ROBO1: variants seen among roughly 807,000 people sequenced by gnomAD.
ROBO1 encodes the protein roundabout homolog 1.
Under a neutral mutation model 195.9 loss-of-function variants are expected in ROBO1, and 149 were observed. The ratio of observed to expected loss-of-function variants is 0.76; its 90% CI spans 0.67 to 0.87. The LOEUF (loss-of-function observed/expected upper bound fraction) is 0.87, where lower values mean the gene tolerates loss of function less well. Ranked by LOEUF, ROBO1 falls within the 40% of genes least tolerant of loss-of-function variation. The pLI is 0.00. For missense variants in ROBO1, 1,933 were observed against 2,068.3 expected (o/e 0.93, Z 1.27); for synonymous variants, 816 against 733.2 (o/e 1.11, Z -1.82).
chr3:79,250,126 G>T (rs2082693529), intron 2 of ROBO1, among the ~76,000 whole-genome samples: 1 of 152,118 alleles, frequency 6.6e-6, no homozygotes. Context: ...CTGAATTACA[G>T]AATATTAGAA....
chr3:79,329,761 T>C (rs1403381241), intron 2 of ROBO1, among the ~76,000 whole-genome samples: 1 of 152,232 alleles, frequency 6.6e-6, no homozygotes, highest in Non-Finnish European at 1.5e-5. Flanking sequence ...ATACAAATTC[T>C]TTATTGTCTA....
chr3:78,608,401 C>T lies in ROBO1; in HGVS notation c.4436-1360G>A, dbSNP rs143023889. 9.2e-3 allele frequency among the ~76,000 whole-genome samples: 1,397 copies of T among 152,236 alleles called. 20 individuals carry two copies. The highest frequency in any genetic ancestry group is 0.049 in the South Asian group (235 of 4,832). Reference sequence around the variant, plus strand: ...GATTATAGCTATGAGCCACCACACCCAGCCTATAATTCAATTTTGTATATC... The same window carrying T: ...GATTATAGCTATGAGCCACCACACCTAGCCTATAATTCAATTTTGTATATC... On this transcript the variant is annotated intron_variant, in intron 28 of 30. Transcript: ENST00000464233.
intron 8 of ROBO1, among the ~76,000 whole-genome samples, chr3:78,697,039 CACACAG>C (rs1355891164): frequency 5.0e-5 from 6 of 120,878 alleles, no homozygotes; most frequent in African/African-American, 1.9e-4. Context: ...CTCTCTGTCA[CACACAG>C]ACACACACAC....
chr3:79,413,569 G>A (rs993780860), intron 2 of ROBO1, among the ~76,000 whole-genome samples: 3 of 152,074 alleles, frequency 2.0e-5, no homozygotes, highest in Admixed American at 6.6e-5. Flanking sequence ...TAGATGTTTC[G>A]ATTTCAAGGA....
At chr3:78,834,428 GTAAA>G (rs2032515440) in intron 4 of ROBO1, among the ~76,000 whole-genome samples, 1 of 149,406 alleles carries the variant, frequency 6.7e-6, no homozygotes, top group Admixed American at 6.8e-5. Context: ...GTCAGAGGAA[GTAAA>G]TACAAATATT....
At chr3:79,284,065 G>T (rs944194525) in intron 2 of ROBO1, among the ~76,000 whole-genome samples, 12 of 151,800 alleles carry the variant, frequency 7.9e-5, no homozygotes, top group African/African-American at 2.9e-4. Flanking sequence ...TTTCTCATCT[G>T]ATAGGCCTAT....
At chr3:79,099,369 A>G (rs2079632318) in intron 3 of ROBO1, among the ~76,000 whole-genome samples, 2 of 151,776 alleles carry the variant, frequency 1.3e-5, no homozygotes, top group African/African-American at 2.4e-5. Flanking sequence ...TAAATTAACA[A>G]TTACTTGATG....
At chr3:79,639,038 A>G (rs1359351482) in intron 1 of ROBO1, among the ~76,000 whole-genome samples, 8 of 152,210 alleles carry the variant, frequency 5.3e-5, no homozygotes, top group African/African-American at 1.9e-4. Flanking sequence ...AAAGAATATA[A>G]ATAATGTTCA....
intron 2 of ROBO1, among the ~76,000 whole-genome samples, chr3:79,238,452 C>T (rs577849263): frequency 6.6e-5 from 10 of 152,268 alleles, no homozygotes; most frequent in Admixed American, 3.9e-4. Context: ...AGCCTGGCTT[C>T]CTAATCTTTT....
chr3:79,458,900 T>A (rs1440046176), intron 2 of ROBO1, among the ~76,000 whole-genome samples: 1 of 151,352 alleles, frequency 6.6e-6, no homozygotes, highest in Admixed American at 6.6e-5. Context: ...GAAAAAAAAA[T>A]CAAATTGAAA....
chr3:79,095,394 T>C (rs1336027575), intron 3 of ROBO1, among the ~76,000 whole-genome samples: 1 of 152,044 alleles, frequency 6.6e-6, no homozygotes, highest in African/African-American at 2.4e-5. Context: ...CTGGCTGCCA[T>C]GTTGCAAAGG....
chr3:78,616,863 T>C (rs1704141858), intron 27 of ROBO1, among the ~76,000 whole-genome samples: 2 of 152,166 alleles, frequency 1.3e-5, no homozygotes, highest in African/African-American at 4.8e-5. Context: ...ATTTACTTTC[T>C]AAACAGAATT....
chr3:78,829,642 C>T (rs375376147), intron 4 of ROBO1, among the ~76,000 whole-genome samples: 2 of 152,164 alleles, frequency 1.3e-5, no homozygotes, highest in African/African-American at 2.4e-5. Context: ...TGATTTCCCC[C>T]TCTACTGTTT....
intron 2 of ROBO1, among the ~76,000 whole-genome samples, chr3:79,448,609 G>A (rs1000078142): frequency 1.3e-5 from 2 of 152,144 alleles, no homozygotes; most frequent in African/African-American, 2.4e-5. Flanking sequence ...TATTTCTGGA[G>A]AGGGTAGTTT....
chr3:78,896,670 A>AG (rs1553759400), intron 4 of ROBO1, among the ~76,000 whole-genome samples: 1 of 151,504 alleles, frequency 6.6e-6, no homozygotes, highest in African/African-American at 2.4e-5. Flanking sequence ...AAAAAAAAAA[A>AG]AAAAAAAAAA....
chr3:79,750,413 G>A (rs1704084110), intron 1 of ROBO1, among the ~76,000 whole-genome samples: 1 of 152,182 alleles, frequency 6.6e-6, no homozygotes, highest in Non-Finnish European at 1.5e-5. Context: ...GGACTGTTAG[G>A]AAGGCATGAT....
At chr3:79,396,085 A>G (rs1185310365) in intron 2 of ROBO1, among the ~76,000 whole-genome samples, 7 of 152,122 alleles carry the variant, frequency 4.6e-5, no homozygotes. Flanking sequence ...ATAATTTCTT[A>G]TAAAAGCTCT....
intron 1 of ROBO1, among the ~76,000 whole-genome samples, chr3:79,669,454 TTATGTTTAGA>T (rs1287626177): frequency 1.1e-4 from 16 of 151,928 alleles, no homozygotes; most frequent in African/African-American, 3.4e-4. Flanking sequence ...ATTATGTTTC[TTATGTTTAGA>T]TATGTTTAGA....
chr3:79,392,293 G>C (rs1187215701), intron 2 of ROBO1, among the ~76,000 whole-genome samples: 2 of 152,166 alleles, frequency 1.3e-5, no homozygotes, highest in African/African-American at 4.8e-5. Context: ...AAAACATTTT[G>C]TGTATTAGTG....
Sources: gnomAD v4.1 joint callset for allele counts (sites outside exome capture counted in the v4.1 genomes callset) on GRCh38, gnomAD v4.1.1 for gene constraint, MANE v1.5 for transcripts, NCBI Gene and HGNC (gene_info 2026-07-23, HGNC 2026-07-21) for gene names.